ZNF487: variants seen among roughly 807,000 people sequenced by gnomAD.
The protein encoded by ZNF487 is KRAB domain only 1.
In ZNF487, 4 loss-of-function variants were observed where a neutral mutation model predicts 3.0. The ratio of observed to expected loss-of-function variants is 1.35; its 90% CI spans 0.66 to 3.08. The LOEUF is 3.08. Ranked by LOEUF, ZNF487 falls within the 30% of genes most tolerant of loss-of-function variation. ZNF487 has a pLI of 0.01. For missense variants in ZNF487, 146 were observed against 98.7 expected (o/e 1.48, Z -2.03); for synonymous variants, 55 against 34.6 (o/e 1.59, Z -2.06).
At chr10:43,491,294 T>G in the ZNF487 span, among the ~76,000 whole-genome samples, 1 of 149,252 alleles carries the variant, frequency 6.7e-6, no homozygotes, top group Admixed American at 6.6e-5. Flanking sequence ...AGTGAATAAC[T>G]CTATGTTTAG....
intron 1 of ZNF487, among the ~76,000 whole-genome samples, chr10:43,473,341 A>G (rs1429682684): frequency 2.6e-5 from 4 of 151,810 alleles, no homozygotes; most frequent in Non-Finnish European, 4.4e-5. Context: ...CGGCCTCCCA[A>G]AGTGCTGAGA....
intron 1 of ZNF487, among the ~76,000 whole-genome samples, chr10:43,457,699 A>ACAACAACAAC (rs1840268517): frequency 6.6e-6 from 1 of 151,260 alleles, no homozygotes; most frequent in East Asian, 1.9e-4. Flanking sequence ...CAATTAAAAA[A>ACAACAACAAC]AAAAAAAAAT....
chr10:43,442,267 AC>A (rs1190532937), intron 1 of ZNF487, among the ~76,000 whole-genome samples: 270 of 140,104 alleles, frequency 1.9e-3, no homozygotes, highest in Middle Eastern at 3.6e-3. Context: ...AACAACAACA[AC>A]AAAAAAAAAA....
intron 1 of ZNF487, among the ~76,000 whole-genome samples, chr10:43,451,134 C>T (rs1211302251): frequency 6.6e-6 from 1 of 151,604 alleles, no homozygotes; most frequent in East Asian, 1.9e-4. Flanking sequence ...TTAGTAGAGA[C>T]GGGGTTTTTC....
chr10:43,495,485 T>C, the ZNF487 span, among the ~76,000 whole-genome samples: 152,259 of 152,260 alleles, frequency 1, 76,129 homozygotes, highest in Non-Finnish European at 1. Flanking sequence ...CTCAGGTGAT[T>C]TGCCCGCCTG....
At position 43,482,684 on chromosome 10, in the gene ZNF487, A is replaced by G. The variant is rs1841410327; in HGVS notation, c.*762A>G. 2.1e-6 allele frequency: 1 copy of G among 475,410 alleles called. No homozygotes were observed. The highest frequency in any genetic ancestry group is 2.0e-5 in the African/African-American group (1 of 49,990). The allele number at this position is 475,410 out of a possible 1,614,324, so 29.4% of individuals were successfully genotyped here. On this transcript the variant is annotated 3_prime_UTR_variant, in exon 4 of 4. Transcript: ENST00000437590. ...CCTATGAGTGTAAGGAATGTGGGAAAACTTTCTCCCAGAAGCCAAACTTCA... is the reference window on the plus strand; with the variant it reads ...CCTATGAGTGTAAGGAATGTGGGAAGACTTTCTCCCAGAAGCCAAACTTCA...
intron 1 of ZNF487, among the ~76,000 whole-genome samples, chr10:43,463,358 C>T (rs1054858867): frequency 3.3e-5 from 5 of 151,242 alleles, no homozygotes; most frequent in African/African-American, 1.2e-4. Flanking sequence ...GCCAACATGG[C>T]GAAACCCTGT....
the ZNF487 span, among the ~76,000 whole-genome samples, chr10:43,508,373 C>G: frequency 1.3e-5 from 2 of 152,210 alleles, no homozygotes; most frequent in Non-Finnish European, 2.9e-5. Context: ...TGTTGTCTCT[C>G]CAAGATACCA....
At chr10:43,518,684 T>C in the ZNF487 span, among the ~76,000 whole-genome samples, 2 of 152,180 alleles carry the variant, frequency 1.3e-5, no homozygotes, top group Admixed American at 1.3e-4. Context: ...CATAATAACA[T>C]ATCTATTAGA....
chr10:43,456,139 C>T (rs1159878679), intron 1 of ZNF487, among the ~76,000 whole-genome samples: 2 of 152,186 alleles, frequency 1.3e-5, no homozygotes, highest in Non-Finnish European at 2.9e-5. Flanking sequence ...GCCAGTGTGT[C>T]CTCAGTCGTC....
chr10:43,520,623 T>A, the ZNF487 span, among the ~76,000 whole-genome samples: 1 of 152,224 alleles, frequency 6.6e-6, no homozygotes, highest in African/African-American at 2.4e-5. Context: ...GAAAGAAATA[T>A]TTGTTATAGA....
At chr10:43,512,645 G>C in the ZNF487 span, among the ~76,000 whole-genome samples, 2 of 152,180 alleles carry the variant, frequency 1.3e-5, no homozygotes, top group Admixed American at 1.3e-4. Flanking sequence ...ACAGCACCCT[G>C]TCTGTCACTG....
chr10:43,507,960 GGA>G, the ZNF487 span, among the ~76,000 whole-genome samples: 4 of 152,196 alleles, frequency 2.6e-5, no homozygotes, highest in African/African-American at 9.6e-5. Flanking sequence ...CCTGTGTCAT[GGA>G]AAAGGCGGGA....
Position 43,475,713 on chromosome 10 carries a change from T to A in ZNF487, c.-93-8T>A. On this transcript the variant is annotated splice_polypyrimidine_tract_variant and splice_region_variant and intron_variant, in intron 1 of 3. Coordinates refer to ENST00000437590, the MANE Select transcript of ZNF487 (RefSeq NM_001355444.3). ...CACTGTAGAATGAAAACAAATGTAC[T>A]GTTCTAGGGATCAGTGTCCTTCAGT... 1 of 780,272 alleles carries A rather than the reference T, an allele frequency of 1.3e-6. No homozygotes were observed. The highest frequency in any genetic ancestry group is 2.4e-6 in the Non-Finnish European group (1 of 417,812). 48.3% of individuals were successfully genotyped at this position (780,272 alleles called of 1,614,324 possible).
At chr10:43,499,750 CA>C in the ZNF487 span, among the ~76,000 whole-genome samples, 84 of 116,940 alleles carry the variant, frequency 7.2e-4, no homozygotes, top group Admixed American at 6.3e-4. Context: ...GACCCTGTCT[CA>C]AAAAAAAAAA....
chr10:43,450,810 T>C (rs1839980605), intron 1 of ZNF487, among the ~76,000 whole-genome samples: 1 of 152,104 alleles, frequency 6.6e-6, no homozygotes, highest in African/African-American at 2.4e-5. Context: ...TACCAATGAC[T>C]TAGAAGAAAA....
At chr10:43,471,377 G>A (rs530030359) in intron 1 of ZNF487, among the ~76,000 whole-genome samples, 1 of 152,304 alleles carries the variant, frequency 6.6e-6, no homozygotes, top group East Asian at 1.9e-4. Context: ...GGAGTGTTAC[G>A]GTGCTCTGTT....
chr10:43,437,021 G>T (rs1434426814), upstream of ZNF487: 2 of 367,520 alleles, frequency 5.4e-6, no homozygotes, highest in South Asian at 3.8e-5. Flanking sequence ...CTAGGCACGC[G>T]GGAGCAGCAA....
chr10:43,475,545 G>A (rs1189859317), intron 1 of ZNF487, among the ~76,000 whole-genome samples, 176 bp from the exon 2 acceptor site: 2 of 151,938 alleles, frequency 1.3e-5, no homozygotes, highest in African/African-American at 4.8e-5. Flanking sequence ...TACCGGCAGA[G>A]TCCTCATACC....
Sources: gnomAD v4.1 joint callset for allele counts (sites outside exome capture counted in the v4.1 genomes callset) on GRCh38, gnomAD v4.1.1 for gene constraint, MANE v1.5 for transcripts, NCBI Gene and HGNC (gene_info 2026-07-23, HGNC 2026-07-21) for gene names.